FRMD6: variants seen among roughly 807,000 people sequenced by gnomAD.
FRMD6 encodes FERM domain-containing protein 6.
A neutral mutation model predicts 73.2 loss-of-function variants in FRMD6; 37 were observed. That is an observed-to-expected ratio of 0.51 (90% confidence interval 0.39 to 0.66). FRMD6 has a LOEUF of 0.66. FRMD6 is among the 30% of genes least tolerant of loss of function. The pLI, the probability that FRMD6 is intolerant of heterozygous loss-of-function variation, is 0.00. For missense variants in FRMD6, 714 were observed against 780.5 expected, an observed-to-expected ratio of 0.91 and a Z score of 1.02; for synonymous variants, 273 against 282.2, an observed-to-expected ratio of 0.97 and a Z score of 0.33.
intron 1 of FRMD6, among the ~76,000 whole-genome samples, chr14:51,500,913 C>T (rs1344352467): frequency 1.3e-5 from 2 of 152,030 alleles, no homozygotes; most frequent in African/African-American, 4.8e-5. Flanking sequence ...AAAATGTTGG[C>T]CTAAATTAGG....
At chr14:51,653,343 G>A (rs187959294) in intron 1 of FRMD6, among the ~76,000 whole-genome samples, 15 of 152,248 alleles carry the variant, frequency 9.9e-5, no homozygotes, top group Admixed American at 8.5e-4. Context: ...AAATGCTGTT[G>A]GAGAAAGCTG....
At chr14:51,654,305 TGG>T (rs56170622) in intron 1 of FRMD6, among the ~76,000 whole-genome samples, 2 of 121,956 alleles carry the variant, frequency 1.6e-5, no homozygotes, top group Admixed American at 8.7e-5. Flanking sequence ...TTAGCTGAAT[TGG>T]GGGGGGGGTC....
At chr14:51,522,681 G>C (rs1885016830) in intron 1 of FRMD6, among the ~76,000 whole-genome samples, 1 of 152,160 alleles carries the variant, frequency 6.6e-6, no homozygotes, top group African/African-American at 2.4e-5. Context: ...TTGGGAATTT[G>C]AAAAGGGAAT....
the FRMD6 span, among the ~76,000 whole-genome samples, chr14:51,461,494 G>T: frequency 3.9e-5 from 6 of 152,336 alleles, no homozygotes; most frequent in East Asian, 7.7e-4. Context: ...TTGATAGGAA[G>T]AAGAAATCTC....
chr14:51,484,014 C>T, the FRMD6 span, among the ~76,000 whole-genome samples: 22 of 152,166 alleles, frequency 1.4e-4, no homozygotes, highest in East Asian at 2.7e-3. Flanking sequence ...GTGCTATTTC[C>T]GTTACACCAT....
intron 13 of FRMD6, 88 bp downstream of exon 13, chr14:51,725,958 A>C (rs187260651): frequency 2.4e-6 from 2 of 850,246 alleles, no homozygotes; most frequent in East Asian, 5.1e-5. Context: ...AATGAGCAAA[A>C]ATTAAAAACC....
intron 1 of FRMD6, among the ~76,000 whole-genome samples, chr14:51,560,249 TAA>T (rs955383281): frequency 1.3e-5 from 2 of 152,194 alleles, no homozygotes; most frequent in African/African-American, 2.4e-5. Context: ...AGAATTGAAT[TAA>T]GTTTTATCCT....
At chr14:51,468,070 C>G in the FRMD6 span, among the ~76,000 whole-genome samples, 23 of 152,264 alleles carry the variant, frequency 1.5e-4, no homozygotes, top group Admixed American at 1.3e-3. Context: ...TGGCAGATCA[C>G]TCGCGGTCAG....
chr14:51,712,387 A>C (rs1896993094), intron 8 of FRMD6, 96 bp from the exon 9 acceptor site: 1 of 723,072 alleles, frequency 1.4e-6, no homozygotes, highest in Non-Finnish European at 2.4e-6. Context: ...TTCAGATTTT[A>C]ATTACTGTAT....
chr14:51,439,500 G>T, the FRMD6 span, among the ~76,000 whole-genome samples: 1 of 152,004 alleles, frequency 6.6e-6, no homozygotes, highest in Non-Finnish European at 1.5e-5. Context: ...CTTAATTCAT[G>T]TAAAACTCTG....
chr14:51,663,000 G>A (rs1199116816), intron 1 of FRMD6, among the ~76,000 whole-genome samples: 1 of 152,134 alleles, frequency 6.6e-6, no homozygotes, highest in Non-Finnish European at 1.5e-5. Context: ...CATGGATGCA[G>A]CAAACAATCA....
chr14:51,400,583 C>A, the FRMD6 span, among the ~76,000 whole-genome samples: 1 of 152,116 alleles, frequency 6.6e-6, no homozygotes, highest in Non-Finnish European at 1.5e-5. Flanking sequence ...AAATAAAAAT[C>A]TCTCTTTTGT....
intron 1 of FRMD6, among the ~76,000 whole-genome samples, chr14:51,533,788 CCCTGTTCCACT>C (rs1885730845): frequency 6.6e-6 from 1 of 152,180 alleles, no homozygotes; most frequent in East Asian, 1.9e-4. Context: ...AGGATGCCAC[CCCTGTTCCACT>C]TTCAGAGAGC....
the FRMD6 span, among the ~76,000 whole-genome samples, chr14:51,416,976 C>T: frequency 3.9e-3 from 591 of 151,658 alleles, 2 homozygotes; most frequent in East Asian, 8.7e-3. Flanking sequence ...GTATTGCAAC[C>T]CCTGCTTTTT....
At chr14:51,720,928 A>C (rs942893801) in intron 11 of FRMD6, among the ~76,000 whole-genome samples, 8 of 152,236 alleles carry the variant, frequency 5.3e-5, no homozygotes, top group African/African-American at 1.7e-4. Context: ...GATGAATCCT[A>C]TGGCTTATCT....
At chr14:51,611,575 T>G (rs149716288) in intron 2 of FRMD6, among the ~76,000 whole-genome samples, 1 of 152,366 alleles carries the variant, frequency 6.6e-6, no homozygotes, top group East Asian at 1.9e-4. Context: ...GACTTTACTG[T>G]GTCCACAAAT....
intron 1 of FRMD6, among the ~76,000 whole-genome samples, chr14:51,686,446 A>G (rs1895156006): frequency 1.3e-5 from 2 of 152,182 alleles, no homozygotes; most frequent in South Asian, 2.1e-4. Context: ...CTTAAAAGAA[A>G]TGGAATAATT....
In FRMD6 at chr14:51,698,157, C is replaced by G; in HGVS notation, c.115C>G (p.His39Asp). The G allele has an allele frequency of 6.2e-7, 1 of 1,611,998 alleles. No homozygotes were observed. Among genetic ancestry groups the G allele is most frequent in the Non-Finnish European group, 8.5e-7 (1 of 1,178,532 alleles). ...TCCCCTACAGGTTAAGATTCTGTGT[C>G]ACCAGTTGCTGGTCCAGGTTTGTGA... ...NIIINVKILC[H>D]QLLVQVCDLL... Residue 39 changes from histidine to aspartate, a missense_variant, in exon 3 of 14, where the codon CAC becomes GAC. His to Asp is a moderately conservative substitution (Grantham distance 81). Transcript: ENST00000344768.
In FRMD6 at chr14:51,529,028, A is replaced by G. The variant is rs531057739; in HGVS notation, c.-210+39608A>G. ...CTCTCACAGGCAGACACTTACTATA[A>G]CTATCATAAGTCACGCTTTCCAAGG... On this transcript the variant is annotated intron_variant, in intron 1 of 14. Coordinates refer to the FRMD6 transcript ENST00000356218. 7.9e-5 allele frequency among the ~76,000 whole-genome samples: 12 copies of G among 152,252 alleles called. No homozygotes were observed. The South Asian group carries it at 2.5e-3, about 32-fold the overall frequency.
Sources: gnomAD v4.1 joint callset for allele counts (sites outside exome capture counted in the v4.1 genomes callset) on GRCh38, gnomAD v4.1.1 for gene constraint, MANE v1.5 for transcripts, NCBI Gene and HGNC (gene_info 2026-07-23, HGNC 2026-07-21) for gene names.